Variants in SHISA9 observed in about 807,000 individuals in gnomAD.
SHISA9 encodes the protein shisa family member 9, also known as protein shisa-9.
Under a neutral mutation model 38.0 loss-of-function variants are expected in SHISA9, and 13 were observed. The observed-to-expected ratio is 0.34, with a 90% CI of 0.22 to 0.54. The LOEUF (loss-of-function observed/expected upper bound fraction) is 0.54. Ranked by LOEUF, SHISA9 falls within the 20% of genes least tolerant of loss-of-function variation. The pLI, the probability that SHISA9 is intolerant of heterozygous loss-of-function variation, is 0.91. For missense variants in SHISA9, 538 were observed against 575.8 expected (o/e 0.93, Z 0.67); for synonymous variants, 275 against 242.0 (o/e 1.14, Z -1.27).
chr16:12,937,897 A>G (rs907646584), intron 2 of SHISA9, among the ~76,000 whole-genome samples: 19 of 152,194 alleles, frequency 1.2e-4, no homozygotes, highest in African/African-American at 4.3e-4. Context: ...AGACCTAGAT[A>G]TATCTTTTGC....
chr16:13,556,404 A>G, the SHISA9 span, among the ~76,000 whole-genome samples: 3 of 150,416 alleles, frequency 2.0e-5, no homozygotes, highest in Non-Finnish European at 2.9e-5. Flanking sequence ...TAATTGATTA[A>G]TAAACAATCA....
the SHISA9 span, among the ~76,000 whole-genome samples, chr16:13,387,416 G>T: frequency 6.6e-6 from 1 of 152,078 alleles, no homozygotes; most frequent in Non-Finnish European, 1.5e-5. Context: ...CTGGATTCAT[G>T]TTGCTGCAAG....
At chr16:13,131,986 C>CT (rs916596887) in intron 2 of SHISA9, among the ~76,000 whole-genome samples, 8 of 152,288 alleles carry the variant, frequency 5.3e-5, no homozygotes, top group Middle Eastern at 3.4e-3. Context: ...GTCCTGACAG[C>CT]TTTTTTCCTG....
intron 2 of SHISA9, among the ~76,000 whole-genome samples, chr16:12,947,406 A>G (rs866758515): frequency 7.2e-5 from 11 of 152,230 alleles, no homozygotes; most frequent in African/African-American, 2.4e-4. Flanking sequence ...GGTCTGGGGC[A>G]TGTTAAACGC....
chr16:13,080,313 C>T lies in SHISA9; in HGVS notation c.692-123081C>T, dbSNP rs981644537. On this transcript the variant is annotated intron_variant, in intron 2 of 4. Transcript: ENST00000558583. Reference sequence around the variant, plus strand: ...GCATGAACCCGGGAGGTGGAGCTTGCAGTGAGCCTAGATTGCGCCACTGCA... The same window carrying T: ...GCATGAACCCGGGAGGTGGAGCTTGTAGTGAGCCTAGATTGCGCCACTGCA... 3.9e-5 allele frequency among the ~76,000 whole-genome samples: 6 copies of T among 152,168 alleles called. No homozygotes were observed. The South Asian group carries it at 1.0e-3, about 26-fold the overall frequency.
At chr16:13,451,788 G>A in the SHISA9 span, among the ~76,000 whole-genome samples, 4 of 152,352 alleles carry the variant, frequency 2.6e-5, no homozygotes, top group Non-Finnish European at 5.9e-5. Context: ...CTGTGGACAT[G>A]TCAAGAAGTT....
At chr16:13,068,894 T>C (rs1317989598) in intron 2 of SHISA9, among the ~76,000 whole-genome samples, 5 of 152,098 alleles carry the variant, frequency 3.3e-5, no homozygotes, top group Admixed American at 6.5e-5. Flanking sequence ...TGTGTGTACA[T>C]GGAATGTGTA....
the SHISA9 span, among the ~76,000 whole-genome samples, chr16:13,312,748 C>G: frequency 6.6e-6 from 1 of 152,128 alleles, no homozygotes; most frequent in East Asian, 1.9e-4. Context: ...ATATTATGCT[C>G]TCAACAGATT....
the SHISA9 span, among the ~76,000 whole-genome samples, chr16:13,318,289 C>T: frequency 6.6e-6 from 1 of 152,186 alleles, no homozygotes; most frequent in African/African-American, 2.4e-5. Context: ...AGCAAATACC[C>T]TTCCCTTTAG....
In SHISA9 at chr16:13,235,066, G is replaced by T. The variant is rs1448805454; in HGVS notation, c.932G>T (p.Arg311Leu). 2 of 1,551,056 alleles carry T rather than the reference G, an allele frequency of 1.3e-6. No individual in the cohort carries two copies. The highest frequency in any genetic ancestry group is 2.4e-5 in the East Asian group (1 of 40,878). ...AATGACGACTTCTACACCAAGCGAC[G>T]GCACCTGGCTGAGCTGGCTGCCAAG... ...KVNDDFYTKR[R>L]HLAELAAKGN... The change falls in exon 5 of 5, where the codon CGG (arginine) becomes CTG (leucine). Residue 311 changes from arginine (R) to leucine (L), a missense_variant. By Grantham distance (102) the Arg-to-Leu change is moderately radical (BLOSUM62 -2). Transcript: ENST00000558583.
the SHISA9 span, among the ~76,000 whole-genome samples, chr16:13,418,989 G>C: frequency 5.9e-5 from 9 of 152,170 alleles, no homozygotes; most frequent in Admixed American, 2.0e-4. Context: ...CATCCTAAAG[G>C]GGCTGGAGGT....
the SHISA9 span, among the ~76,000 whole-genome samples, chr16:13,290,798 A>G: frequency 6.6e-6 from 1 of 152,160 alleles, no homozygotes; most frequent in Non-Finnish European, 1.5e-5. Context: ...GGGCCTTGGG[A>G]CTTTGCTTCT....
the SHISA9 span, among the ~76,000 whole-genome samples, chr16:13,453,408 C>T: frequency 3.9e-5 from 6 of 152,216 alleles, no homozygotes; most frequent in African/African-American, 1.4e-4. Flanking sequence ...AAGACAATCA[C>T]AAACTTCATA....
intron 4 of SHISA9, among the ~76,000 whole-genome samples, chr16:13,222,792 G>GTATATATA (rs745719678): frequency 3.5e-4 from 22 of 63,580 alleles, no homozygotes; most frequent in African/African-American, 1.8e-3. Flanking sequence ...GTGTGTGTAT[G>GTATATATA]TATATATATA....
At chr16:13,172,735 T>C (rs1002500299) in intron 2 of SHISA9, among the ~76,000 whole-genome samples, 2 of 148,124 alleles carry the variant, frequency 1.4e-5, no homozygotes, top group Admixed American at 1.4e-4. Context: ...TTCACTTATC[T>C]TGATGATTTT....
the SHISA9 span, among the ~76,000 whole-genome samples, chr16:13,247,612 G>A: frequency 6.6e-6 from 1 of 152,124 alleles, no homozygotes; most frequent in African/African-American, 2.4e-5. Context: ...TACCTTTGTG[G>A]AAGAAAAATG....
chr16:13,455,853 C>T, the SHISA9 span, among the ~76,000 whole-genome samples: 1 of 152,108 alleles, frequency 6.6e-6, no homozygotes. Context: ...ATGGAGCTAG[C>T]CACTCTGTTG....
chr16:13,272,088 A>T, the SHISA9 span, among the ~76,000 whole-genome samples: 30 of 138,326 alleles, frequency 2.2e-4, no homozygotes, highest in African/African-American at 6.4e-4. Context: ...AAAAAAAAAA[A>T]AAAAGAGAGA....
At chr16:13,101,391 A>G (rs1220628121) in intron 2 of SHISA9, among the ~76,000 whole-genome samples, 1 of 152,248 alleles carries the variant, frequency 6.6e-6, no homozygotes, top group African/African-American at 2.4e-5. Flanking sequence ...CTAAATATAT[A>G]CAATTTTAAT....
Sources: allele counts gnomAD v4.1 joint callset (sites outside exome capture counted in the v4.1 genomes callset), GRCh38; gene constraint gnomAD v4.1.1; transcripts MANE v1.5; gene names NCBI Gene and HGNC (gene_info 2026-07-23, HGNC 2026-07-21).